CHAT: variants seen among roughly 807,000 people sequenced by gnomAD.
The protein encoded by CHAT is acetyl CoA:choline O-acetyltransferase.
A neutral mutation model predicts 76.9 loss-of-function variants in CHAT; 61 were observed. The observed-to-expected ratio is 0.79, with a 90% CI of 0.65 to 0.98. The LOEUF (loss-of-function observed/expected upper bound fraction) is 0.98. Among genes scored for constraint, CHAT ranks in the 50% least tolerant of loss-of-function variants. CHAT has a pLI of 0.00. For synonymous variants in CHAT, 407 were observed against 397.4 expected (o/e 1.02, Z -0.29); for missense variants, 946 against 986.9 (o/e 0.96, Z 0.56).
chr10:49,663,985 G>T (rs1564498307), intron 14 of CHAT, among the ~76,000 whole-genome samples: 1 of 152,114 alleles, frequency 6.6e-6, no homozygotes, highest in Non-Finnish European at 1.5e-5. Flanking sequence ...ACTTCCAAAG[G>T]CCTCAGCACA....
At chr10:49,626,837 A>G (rs1838939275) in intron 6 of CHAT, among the ~76,000 whole-genome samples, 2 of 152,244 alleles carry the variant, frequency 1.3e-5, no homozygotes, top group Admixed American at 1.3e-4. Flanking sequence ...CTAGCCTTCA[A>G]AGCTACAAAA....
chr10:49,642,477 C>T (rs1053452929), intron 7 of CHAT, among the ~76,000 whole-genome samples: 1 of 152,230 alleles, frequency 6.6e-6, no homozygotes, highest in Non-Finnish European at 1.5e-5. Flanking sequence ...CACATGATGG[C>T]AAGGCCTCAG....
At chr10:49,664,710 C>T (rs1415818502) in intron 14 of CHAT, 67 bp from the exon 15 acceptor site, 25 of 1,602,244 alleles carry the variant, frequency 1.6e-5, no homozygotes, top group Admixed American at 1.7e-5. Flanking sequence ...ACAGAGAAGC[C>T]AAGCCCAGTC....
At chr10:49,637,829 TAC>T (rs1198377700) in intron 7 of CHAT, among the ~76,000 whole-genome samples, 1 of 152,276 alleles carries the variant, frequency 6.6e-6, no homozygotes, top group African/African-American at 2.4e-5. Context: ...TACTGATTTC[TAC>T]TTTGATTCCA....
chr10:49,621,235 A>G (rs1412869682), intron 4 of CHAT, among the ~76,000 whole-genome samples: 1 of 152,134 alleles, frequency 6.6e-6, no homozygotes, highest in African/African-American at 2.4e-5. Flanking sequence ...GAGGGAGGGC[A>G]GACCAAAGTG....
intron 13 of CHAT, among the ~76,000 whole-genome samples, chr10:49,659,500 G>T (rs917843317): frequency 6.6e-6 from 1 of 152,184 alleles, no homozygotes; most frequent in East Asian, 1.9e-4. Context: ...AGAGCAATCA[G>T]TCCATAAAGA....
At chr10:49,614,017 G>C (rs545285369), upstream of CHAT, 13 of 1,201,440 alleles carry the variant, frequency 1.1e-5, no homozygotes, top group African/African-American at 1.9e-4. Flanking sequence ...TAATGGGGTT[G>C]GGGAAGTGCG....
At chr10:49,642,185 C>T (rs919402989) in intron 7 of CHAT, among the ~76,000 whole-genome samples, 4 of 152,238 alleles carry the variant, frequency 2.6e-5, no homozygotes, top group Non-Finnish European at 5.9e-5. Context: ...GAGGATGCCA[C>T]AAGACAAATG....
In CHAT at chr10:49,663,638, G is replaced by A. The variant is rs895709428; in HGVS notation, c.1977+856G>A. ...ATGCAATCCATTAGAGAGAGGTCGT[G>A]GTTTAGGAGGGGAAATGCCCCACAG... On this transcript the variant is annotated intron_variant, in intron 14 of 14. Transcript: ENST00000337653. 6.6e-5 allele frequency among the ~76,000 whole-genome samples: 10 copies of A among 152,190 alleles called. No homozygotes were observed. The East Asian group carries it at 1.3e-3, about 21-fold the overall frequency.
upstream of CHAT, among the ~76,000 whole-genome samples, chr10:49,609,757 G>T (rs191436474): frequency 1.9e-3 from 296 of 152,320 alleles, 1 homozygote; most frequent in African/African-American, 6.9e-3. Context: ...GGGCCAGGGG[G>T]CGGAGTCGGA....
upstream of CHAT, chr10:49,611,783 TGGCGGCGCGCTACCCAC>T: frequency 6.2e-7 from 1 of 1,603,014 alleles, no homozygotes; most frequent in Non-Finnish European, 8.5e-7. Flanking sequence ...ACCGTGCGCC[TGGCGGCGCGCTACCCAC>T]ACCTGCAGTG....
At chr10:49,654,104 C>T (rs1244169438) in intron 11 of CHAT, among the ~76,000 whole-genome samples, 3 of 152,202 alleles carry the variant, frequency 2.0e-5, no homozygotes, top group Admixed American at 6.5e-5. Flanking sequence ...TGCCTGAATT[C>T]GGGTTGGTCA....
At chr10:49,625,697 A>G (rs1294050790) in intron 6 of CHAT, 44 bp downstream of exon 6, 2 of 1,527,120 alleles carry the variant, frequency 1.3e-6, no homozygotes, top group Admixed American at 3.9e-5. Context: ...CAGAGCATAC[A>G]GTGGCCATGC....
intron 5 of CHAT, among the ~76,000 whole-genome samples, chr10:49,623,436 T>C (rs927677612): frequency 2.1e-4 from 32 of 152,206 alleles, no homozygotes; most frequent in African/African-American, 7.5e-4. Context: ...GAACCTTTAA[T>C]TAATTAATTA....
intron 7 of CHAT, among the ~76,000 whole-genome samples, chr10:49,628,989 CA>C (rs1839021953): frequency 2.0e-5 from 3 of 152,274 alleles, no homozygotes; most frequent in African/African-American, 7.2e-5. Context: ...CTCCTTGCCG[CA>C]CGCAGAGCTC....
chr10:49,627,177 C>T (rs1239400416), intron 6 of CHAT, among the ~76,000 whole-genome samples: 2 of 152,206 alleles, frequency 1.3e-5, no homozygotes, highest in Non-Finnish European at 2.9e-5. Context: ...CAAACAAGGC[C>T]GAGAGGCACA....
At chr10:49,624,290 T>C (rs2132724550) in intron 5 of CHAT, among the ~76,000 whole-genome samples, 1 of 152,354 alleles carries the variant, frequency 6.6e-6, no homozygotes, top group Non-Finnish European at 1.5e-5. Flanking sequence ...TGAGACCAAA[T>C]GTTTTATTAC....
chr10:49,648,726 T>TACACACACACACACACACAC (rs10580502), intron 9 of CHAT, 119 bp downstream of exon 9: 255 of 584,112 alleles, frequency 4.4e-4, no homozygotes, highest in African/African-American at 4.1e-3. Context: ...ATGTGTACTA[T>TACACACACACACACACACAC]ACACACACAC....
At chr10:49,635,701 A>C (rs1255104156) in intron 7 of CHAT, among the ~76,000 whole-genome samples, 1 of 152,240 alleles carries the variant, frequency 6.6e-6, no homozygotes, top group Non-Finnish European at 1.5e-5. Context: ...TAATCAATAC[A>C]GTAAAAGCAT....
Sources: gnomAD v4.1 joint callset for allele counts (sites outside exome capture counted in the v4.1 genomes callset) on GRCh38, gnomAD v4.1.1 for gene constraint, MANE v1.5 for transcripts, NCBI Gene and HGNC (gene_info 2026-07-23, HGNC 2026-07-21) for gene names.